MCM9: variants seen among roughly 807,000 people sequenced by gnomAD.
MCM9 encodes the protein DNA helicase MCM9.
A neutral mutation model predicts 72.8 loss-of-function variants in MCM9; 55 were observed. That is an observed-to-expected ratio of 0.76 (90% CI 0.61 to 0.95). MCM9 has a LOEUF of 0.95. Among genes scored for constraint, MCM9 ranks in the 40% least tolerant of loss-of-function variants. MCM9 has a pLI of 0.00. For synonymous variants in MCM9, 480 were observed against 503.4 expected (o/e 0.95, Z 0.62); for missense variants, 1,279 against 1,377.0 (o/e 0.93, Z 1.13).
At chr6:118,871,674 T>A (rs752670325) in intron 8 of MCM9, among the ~76,000 whole-genome samples, 1 of 152,028 alleles carries the variant, frequency 6.6e-6, no homozygotes, top group African/African-American at 2.4e-5. Context: ...CCCAACACAC[T>A]GGGAGGCCAA....
chr6:118,907,677 A>G lies in MCM9; in HGVS notation c.1150+3973T>C. On this transcript the variant is annotated intron_variant, in intron 8 of 13. Coordinates refer to ENST00000619706, the MANE Select transcript of MCM9 (RefSeq NM_017696.3). Reference sequence around the variant, plus strand: ...AAATACACAGAACTATTTCCCTGAAATTCCGTAAGTACATAGTCAAAACAC... The same window carrying G: ...AAATACACAGAACTATTTCCCTGAAGTTCCGTAAGTACATAGTCAAAACAC... 7 of 1,316,824 alleles carry G rather than the reference A, an allele frequency of 5.3e-6. No homozygotes were observed. In the South Asian group the frequency reaches 8.8e-5, roughly 17 times the overall value. 81.6% of individuals were successfully genotyped at this position (1,316,824 alleles called of 1,614,324 possible).
At chr6:118,825,803 T>C (rs1562400015) in intron 13 of MCM9, among the ~76,000 whole-genome samples, 1 of 152,196 alleles carries the variant, frequency 6.6e-6, no homozygotes, top group Non-Finnish European at 1.5e-5. Context: ...AGGTAAGTTT[T>C]GAAATGTTGC....
intron 13 of MCM9, among the ~76,000 whole-genome samples, chr6:118,821,198 G>T (rs964804071): frequency 6.6e-6 from 1 of 152,178 alleles, no homozygotes; most frequent in African/African-American, 2.4e-5. Context: ...CACATTAGTT[G>T]ATGCAGTTTC....
chr6:118,916,044 A>C (rs1780915745), intron 6 of MCM9, among the ~76,000 whole-genome samples: 1 of 152,094 alleles, frequency 6.6e-6, no homozygotes, highest in Non-Finnish European at 1.5e-5. Context: ...AAATTTTTAT[A>C]AGGATAGAAT....
intron 8 of MCM9, among the ~76,000 whole-genome samples, chr6:118,899,881 A>G (rs1486232952): frequency 1.3e-5 from 2 of 152,204 alleles, no homozygotes; most frequent in African/African-American, 2.4e-5. Flanking sequence ...CAAAATACCC[A>G]AAGAAGATGA....
intron 1 of MCM9, among the ~76,000 whole-genome samples, chr6:118,933,228 A>G (rs971491579): frequency 6.6e-6 from 1 of 152,178 alleles, no homozygotes; most frequent in Admixed American, 6.5e-5. Context: ...GGCCGGGCGC[A>G]GTGGCTCACG....
intron 8 of MCM9, chr6:118,893,985 C>CGGCG: frequency 2.0e-6 from 2 of 983,760 alleles, no homozygotes; most frequent in Non-Finnish European, 2.4e-6. Flanking sequence ...GCGCCGCCGC[C>CGGCG]GGCGGCCTCC....
At chr6:118,887,056 G>A (rs1477950867) in intron 8 of MCM9, among the ~76,000 whole-genome samples, 1 of 152,164 alleles carries the variant, frequency 6.6e-6, no homozygotes, top group Non-Finnish European at 1.5e-5. Flanking sequence ...TCATGAAGAT[G>A]GCAGTACTCC....
chr6:118,919,218 C>T (rs1781214465), intron 5 of MCM9: 1 of 152,122 alleles, frequency 6.6e-6, no homozygotes, highest in African/African-American at 2.4e-5. Flanking sequence ...AAGTAATAAT[C>T]TAATGTCAAT....
intron 8 of MCM9, among the ~76,000 whole-genome samples, chr6:118,907,130 A>G (rs910318589): frequency 6.6e-5 from 10 of 152,214 alleles, no homozygotes; most frequent in Admixed American, 2.0e-4. Flanking sequence ...TTTAGAAAAC[A>G]GAAGTATAGG....
chr6:118,931,347 G>T, intron 3 of MCM9, 73 bp downstream of exon 3: 1 of 1,196,434 alleles, frequency 8.4e-7, no homozygotes, highest in South Asian at 1.5e-5. Context: ...ATTTCTTAGT[G>T]TTCTAAATCT....
intron 8 of MCM9, among the ~76,000 whole-genome samples, chr6:118,868,574 G>GA (rs975335341): frequency 1.3e-4 from 19 of 149,704 alleles, no homozygotes; most frequent in Admixed American, 2.7e-4. Flanking sequence ...AAATTTAAAA[G>GA]AAAAAAAAAC....
intron 6 of MCM9, 97 bp from the exon 7 acceptor site, chr6:118,913,517 A>T (rs1780708968): frequency 6.9e-7 from 1 of 1,450,836 alleles, no homozygotes; most frequent in East Asian, 2.4e-5. Flanking sequence ...TCATTTAAAT[A>T]TACTCTACTA....
In MCM9 at chr6:118,911,774, G is replaced by GT. The variant is rs1175620728; in HGVS notation, c.1031-6_1031-5insA. 1 of 1,605,160 alleles carries GT rather than the reference G, an allele frequency of 6.2e-7. No homozygotes were observed. The highest frequency in any genetic ancestry group is 8.5e-7 in the Non-Finnish European group (1 of 1,175,608). Reference sequence around the variant, plus strand: ...CCAATAAAAGATGAGATTCTCCTAGGAAAAAGCAAATACATGAAGTTTTAA... The same window carrying GT: ...CCAATAAAAGATGAGATTCTCCTAGGTAAAAAGCAAATACATGAAGTTTTAA... On this transcript the variant is annotated splice_polypyrimidine_tract_variant and splice_region_variant and intron_variant, in intron 7 of 13. Transcript: ENST00000619706.
At chr6:118,857,003 T>C (rs936403967) in intron 8 of MCM9, among the ~76,000 whole-genome samples, 1 of 152,242 alleles carries the variant, frequency 6.6e-6, no homozygotes, top group African/African-American at 2.4e-5. Flanking sequence ...GACAATTGCT[T>C]CACATATCTA....
At chr6:118,869,125 C>T (rs1777415675) in intron 8 of MCM9, among the ~76,000 whole-genome samples, 1 of 152,010 alleles carries the variant, frequency 6.6e-6, no homozygotes, top group Non-Finnish European at 1.5e-5. Flanking sequence ...GGACATGAAG[C>T]TGGAAACCAT....
chr6:118,933,568 G>A (rs1472186328), intron 1 of MCM9, among the ~76,000 whole-genome samples: 1 of 151,804 alleles, frequency 6.6e-6, no homozygotes, highest in Non-Finnish European at 1.5e-5. Context: ...CTGGAGAAGA[G>A]GTGTACTTAA....
At chr6:118,867,034 C>T (rs904227183) in intron 8 of MCM9, among the ~76,000 whole-genome samples, 3 of 151,084 alleles carry the variant, frequency 2.0e-5, no homozygotes, top group Non-Finnish European at 4.4e-5. Context: ...ATTCAACATC[C>T]TAAAAGGAAA....
At chr6:118,914,084 C>A (rs1780756329) in intron 6 of MCM9, among the ~76,000 whole-genome samples, 1 of 152,106 alleles carries the variant, frequency 6.6e-6, no homozygotes, top group Non-Finnish European at 1.5e-5. Flanking sequence ...AAAAATCCAC[C>A]CTCCAAGTCA....
Sources: gnomAD v4.1 joint callset for allele counts (sites outside exome capture counted in the v4.1 genomes callset) on GRCh38, gnomAD v4.1.1 for gene constraint, MANE v1.5 for transcripts, NCBI Gene and HGNC (gene_info 2026-07-23, HGNC 2026-07-21) for gene names.